The following CALN1 variants were observed in gnomAD, a reference collection of about 807,000 sequenced individuals.
CALN1 encodes the protein calneuron 1.
CALN1 carries 17 observed loss-of-function variants against 30.6 expected under a neutral mutation model. The ratio of observed to expected loss-of-function variants is 0.56; its 90% CI spans 0.38 to 0.83. The LOEUF (loss-of-function observed/expected upper bound fraction) is 0.83. Among genes scored for constraint, CALN1 ranks in the 40% least tolerant of loss-of-function variants. CALN1 has a pLI of 0.00. For missense variants in CALN1, 291 were observed against 354.9 expected (o/e 0.82, Z 1.45); for synonymous variants, 156 against 131.4 (o/e 1.19, Z -1.28).
At chr7:72,011,830 A>G (rs1056500280) in intron 5 of CALN1, among the ~76,000 whole-genome samples, 6 of 151,992 alleles carry the variant, frequency 3.9e-5, no homozygotes, top group African/African-American at 1.2e-4. Context: ...TTTTTTTTGT[A>G]GAGACAAAAA....
chr7:71,836,610 TTCTC>T (rs760452852), intron 5 of CALN1, among the ~76,000 whole-genome samples: 41 of 147,648 alleles, frequency 2.8e-4, no homozygotes, highest in Non-Finnish European at 4.6e-4. Flanking sequence ...GTCCCATTAT[TTCTC>T]TCTGTCTCTT....
chr7:72,430,335 T>TTA (rs200641799), intron 1 of CALN1, among the ~76,000 whole-genome samples: 2,265 of 148,770 alleles, frequency 0.015, 52 homozygotes, highest in African/African-American at 0.052. Context: ...GATATAATAA[T>TTA]TATATATATA....
chr7:72,117,971 A>AG (rs1808111737), intron 3 of CALN1, among the ~76,000 whole-genome samples: 1 of 138,952 alleles, frequency 7.2e-6, no homozygotes, highest in African/African-American at 2.8e-5. Context: ...AAAAAAAAAG[A>AG]AAAAAAAAAA....
chr7:72,327,871 G>T (rs1325589107), intron 2 of CALN1, among the ~76,000 whole-genome samples: 1 of 151,762 alleles, frequency 6.6e-6, no homozygotes, highest in East Asian at 1.9e-4. Context: ...TTTAAAAGGG[G>T]GAAAAAAAGG....
intron 5 of CALN1, among the ~76,000 whole-genome samples, chr7:71,923,284 T>A (rs771270828): frequency 1.3e-5 from 2 of 152,188 alleles, no homozygotes; most frequent in Non-Finnish European, 2.9e-5. Flanking sequence ...CTGTGCTCTG[T>A]TGATGCTTGC....
At chr7:72,212,488 C>T (rs1469779900) in intron 3 of CALN1, among the ~76,000 whole-genome samples, 2 of 152,048 alleles carry the variant, frequency 1.3e-5, no homozygotes. Flanking sequence ...TCAATCAATG[C>T]ATTGGGGGTA....
At chr7:71,891,376 A>T (rs17137587) in intron 5 of CALN1, among the ~76,000 whole-genome samples, 17,224 of 152,162 alleles carry the variant, frequency 0.11, 1,418 homozygotes, top group East Asian at 0.43. Context: ...CTTACTCGAC[A>T]CAAGTCATGT....
intron 1 of CALN1, among the ~76,000 whole-genome samples, chr7:72,424,751 C>A (rs1807743681): frequency 6.6e-6 from 1 of 152,076 alleles, no homozygotes; most frequent in African/African-American, 2.4e-5. Flanking sequence ...TGCATGCCAC[C>A]ACTCCCATAT....
At chr7:72,091,486 T>C (rs1050904747) in intron 4 of CALN1, among the ~76,000 whole-genome samples, 2 of 152,202 alleles carry the variant, frequency 1.3e-5, no homozygotes, top group African/African-American at 4.8e-5. Context: ...ATCATATGCT[T>C]GTATCAAAAT....
intron 2 of CALN1, among the ~76,000 whole-genome samples, chr7:72,360,176 C>A (rs2860506): frequency 6.6e-6 from 1 of 152,104 alleles, no homozygotes; most frequent in African/African-American, 2.4e-5. Context: ...ATTTTGGCCT[C>A]CATTTACTTT....
At chr7:71,991,982 C>T (rs73366270) in intron 5 of CALN1, among the ~76,000 whole-genome samples, 5,318 of 152,292 alleles carry the variant, frequency 0.035, 302 homozygotes, top group African/African-American at 0.12. Flanking sequence ...GTAACCTAGG[C>T]AGCTATAACC....
At chr7:72,031,734 A>AGTT (rs1562993226) in intron 4 of CALN1, among the ~76,000 whole-genome samples, 1 of 114,684 alleles carries the variant, frequency 8.7e-6, no homozygotes, top group African/African-American at 3.4e-5. Flanking sequence ...CGCCTGGCTA[A>AGTT]TTTTTTTTTT....
chr7:72,221,357 G>A (rs1027545657), intron 3 of CALN1, among the ~76,000 whole-genome samples: 1 of 111,464 alleles, frequency 9.0e-6, no homozygotes, highest in Non-Finnish European at 1.7e-5. Flanking sequence ...TCTATCTGTT[G>A]CCCAGGCTGG....
intron 3 of CALN1, among the ~76,000 whole-genome samples, chr7:72,136,488 C>G (rs983597618): frequency 2.6e-5 from 4 of 152,206 alleles, no homozygotes; most frequent in Non-Finnish European, 5.9e-5. Flanking sequence ...ATCCAGACCT[C>G]TAAAACTTTC....
chr7:72,160,423 C>A (rs1788021596), intron 3 of CALN1, among the ~76,000 whole-genome samples: 1 of 151,976 alleles, frequency 6.6e-6, no homozygotes, highest in Non-Finnish European at 1.5e-5. Context: ...GGATTACAGG[C>A]ATGCGCCACC....
intron 3 of CALN1, among the ~76,000 whole-genome samples, chr7:72,193,320 G>A (rs1790761318): frequency 6.6e-6 from 1 of 152,102 alleles, no homozygotes; most frequent in Non-Finnish European, 1.5e-5. Context: ...AGCCATGATT[G>A]TACCACTGTA....
intron 3 of CALN1, among the ~76,000 whole-genome samples, chr7:72,264,570 T>C (rs1191454565): frequency 6.6e-6 from 1 of 152,008 alleles, no homozygotes; most frequent in Non-Finnish European, 1.5e-5. Context: ...CATAGCTCAT[T>C]GCATCCTGGA....
chr7:72,133,582 AG>A (rs1249700140), intron 3 of CALN1, among the ~76,000 whole-genome samples: 1 of 152,198 alleles, frequency 6.6e-6, no homozygotes, highest in Non-Finnish European at 1.5e-5. Context: ...AGTGGGTAAA[AG>A]TTTGACGATT....
At chr7:71,944,423 T>C (rs1584572466) in intron 5 of CALN1, among the ~76,000 whole-genome samples, 1 of 152,072 alleles carries the variant, frequency 6.6e-6, no homozygotes, top group East Asian at 1.9e-4. Context: ...GGTGAAACCC[T>C]GTCTTTACTA....
Sources: allele counts gnomAD v4.1 joint callset (sites outside exome capture counted in the v4.1 genomes callset), GRCh38; gene constraint gnomAD v4.1.1; transcripts MANE v1.5; gene names NCBI Gene and HGNC (gene_info 2026-07-23, HGNC 2026-07-21).